The following CD247 variants were observed in gnomAD, a reference collection of about 807,000 sequenced individuals.
CD247 encodes the protein CD247 molecule.
CD247 carries 13 observed loss-of-function variants against 30.0 expected under a neutral mutation model. The ratio of observed to expected loss-of-function variants is 0.43; its 90% CI spans 0.28 to 0.69. CD247 has a LOEUF of 0.69. CD247 is among the 30% of genes least tolerant of loss of function. The pLI is 0.16. For missense variants in CD247, 193 were observed against 212.6 expected, an observed-to-expected ratio of 0.91 and a Z score of 0.57; for synonymous variants, 72 against 80.0, an observed-to-expected ratio of 0.90 and a Z score of 0.53.
intron 1 of CD247, among the ~76,000 whole-genome samples, chr1:167,514,798 C>T (rs557697218): frequency 1.3e-5 from 2 of 152,162 alleles, no homozygotes; most frequent in East Asian, 1.9e-4. Flanking sequence ...TTGGGAGAAA[C>T]GATTCCCAAA....
intron 1 of CD247, among the ~76,000 whole-genome samples, chr1:167,446,194 A>G (rs903797480): frequency 6.6e-6 from 1 of 151,956 alleles, no homozygotes; most frequent in Non-Finnish European, 1.5e-5. Flanking sequence ...AGCCCTTGCC[A>G]TTTTGCCCAC....
intron 1 of CD247, among the ~76,000 whole-genome samples, chr1:167,499,165 C>T (rs745905563): frequency 1.8e-4 from 28 of 152,178 alleles, no homozygotes; most frequent in Admixed American, 7.9e-4. Context: ...CATTTGGCAA[C>T]GTCTAAAGAT....
At chr1:167,449,687 C>T (rs1050230090) in intron 1 of CD247, among the ~76,000 whole-genome samples, 1 of 152,060 alleles carries the variant, frequency 6.6e-6, no homozygotes, top group Non-Finnish European at 1.5e-5. Context: ...CGTTGGGAGG[C>T]CGAGGTGGGC....
chr1:167,448,629 A>G (rs1652200797), intron 1 of CD247: 1 of 698,346 alleles, frequency 1.4e-6, no homozygotes, highest in African/African-American at 1.9e-5. Flanking sequence ...TACTGGCAAC[A>G]TATAATGTTT....
chr1:167,435,786 G>T (rs1651519941), intron 4 of CD247, among the ~76,000 whole-genome samples: 1 of 152,246 alleles, frequency 6.6e-6, no homozygotes, highest in South Asian at 2.1e-4. Flanking sequence ...TTTGGAGCAG[G>T]GCCAGCCACT....
intron 1 of CD247, among the ~76,000 whole-genome samples, chr1:167,467,522 GA>G (rs1434848569): frequency 1.3e-5 from 2 of 152,198 alleles, no homozygotes; most frequent in African/African-American, 4.8e-5. Context: ...CAGTTAAATA[GA>G]AAGCGCTGAA....
intron 1 of CD247, among the ~76,000 whole-genome samples, chr1:167,499,588 T>A (rs986438455): frequency 2.6e-5 from 4 of 152,168 alleles, no homozygotes; most frequent in African/African-American, 9.7e-5. Flanking sequence ...AATGGAAAAT[T>A]TAACCTCTAA....
chr1:167,481,540 G>A (rs1167309961), intron 1 of CD247, among the ~76,000 whole-genome samples: 1 of 152,142 alleles, frequency 6.6e-6, no homozygotes, highest in African/African-American at 2.4e-5. Flanking sequence ...TGTGGGTGGG[G>A]GCGGAAAGAG....
At chr1:167,452,577 C>CA (rs1246293895) in intron 1 of CD247, among the ~76,000 whole-genome samples, 3 of 152,144 alleles carry the variant, frequency 2.0e-5, no homozygotes, top group African/African-American at 4.8e-5. Flanking sequence ...AAATGTCACG[C>CA]ACTGTGCTGG....
chr1:167,453,042 T>C (rs1346521719), intron 1 of CD247, among the ~76,000 whole-genome samples: 4 of 148,238 alleles, frequency 2.7e-5, no homozygotes, highest in African/African-American at 9.8e-5. Context: ...ATATTATATA[T>C]ATATATATTA....
chr1:167,439,300 G>C (rs776446545), intron 3 of CD247, 44 bp downstream of exon 3: 1 of 1,577,732 alleles, frequency 6.3e-7, no homozygotes, highest in South Asian at 1.1e-5. Context: ...CCGAGGAGGA[G>C]GCTGCCCTTC....
At chr1:167,434,779 A>G (rs1436994876) in intron 5 of CD247, 5 of 455,052 alleles carry the variant, frequency 1.1e-5, no homozygotes, top group Non-Finnish European at 2.2e-5. Flanking sequence ...GGCACTTTTC[A>G]GCTAAGGAGA....
chr1:167,444,372 G>A lies in CD247; in HGVS notation c.59-3605C>T, dbSNP rs117261019. ...CTGTGCGCGCTCCTGTGGCTTCTTC[G>A]TATTTCTACCAATTCCATCCCAAAG... On this transcript the variant is annotated intron_variant, in intron 1 of 7. Coordinates refer to ENST00000362089, the MANE Select transcript of CD247 (RefSeq NM_198053.3). Among the ~76,000 whole-genome samples the A allele has an allele frequency of 1.0e-3, 154 of 152,264 alleles. 3 individuals carry two copies. The East Asian group carries it at 0.02, about 20-fold the overall frequency.
chr1:167,433,981 G>C, intron 6 of CD247, 39 bp downstream of exon 6: 1 of 1,570,294 alleles, frequency 6.4e-7, no homozygotes, highest in South Asian at 1.1e-5. Flanking sequence ...GGAGGACCAA[G>C]AGGAACTCCC....
chr1:167,496,426 C>T (rs1654692533), intron 1 of CD247, among the ~76,000 whole-genome samples: 1 of 152,184 alleles, frequency 6.6e-6, no homozygotes, highest in African/African-American at 2.4e-5. Flanking sequence ...CCTGCAACCC[C>T]CCTGCTCTTT....
At chr1:167,489,331 A>T (rs1642931711) in intron 1 of CD247, among the ~76,000 whole-genome samples, 1 of 152,212 alleles carries the variant, frequency 6.6e-6, no homozygotes, top group African/African-American at 2.4e-5. Context: ...TTTAAATAGG[A>T]TGAAATGTTA....
At chr1:167,505,719 C>T (rs866506512) in intron 1 of CD247, among the ~76,000 whole-genome samples, 110 of 152,380 alleles carry the variant, frequency 7.2e-4, no homozygotes, top group African/African-American at 2.5e-3. Context: ...CTCAGCAGCA[C>T]TGACAGCTAT....
At chr1:167,476,096 C>T (rs1653733973) in intron 1 of CD247, among the ~76,000 whole-genome samples, 2 of 152,066 alleles carry the variant, frequency 1.3e-5, no homozygotes, top group African/African-American at 4.8e-5. Flanking sequence ...CATGTTGAAA[C>T]AGGAAGAGTT....
intron 1 of CD247, among the ~76,000 whole-genome samples, chr1:167,443,845 C>T (rs1651951442): frequency 6.6e-6 from 1 of 152,114 alleles, no homozygotes; most frequent in Non-Finnish European, 1.5e-5. Flanking sequence ...TGTGTAGGAC[C>T]CTCCTCTCCT....
Sources: gnomAD v4.1 joint callset for allele counts (sites outside exome capture counted in the v4.1 genomes callset) on GRCh38, gnomAD v4.1.1 for gene constraint, MANE v1.5 for transcripts, NCBI Gene and HGNC (gene_info 2026-07-23, HGNC 2026-07-21) for gene names.